Variants in CCND1 observed in about 807,000 individuals in gnomAD.
CCND1 encodes the protein G1/S-specific cyclin-D1.
CCND1 carries 9 observed loss-of-function variants against 26.1 expected under a neutral mutation model. The observed-to-expected ratio is 0.35, with a 90% CI of 0.21 to 0.60. The LOEUF is 0.60. CCND1 is among the 20% of genes least tolerant of loss of function. CCND1 has a pLI of 0.79. For missense variants in CCND1, 335 were observed against 392.9 expected, an observed-to-expected ratio of 0.85 and a Z score of 1.25; for synonymous variants, 194 against 166.1, an observed-to-expected ratio of 1.17 and a Z score of -1.29.
intron 3 of CCND1, among the ~76,000 whole-genome samples, chr11:69,645,438 C>G (rs1270454139): frequency 6.6e-6 from 1 of 152,192 alleles, no homozygotes; most frequent in East Asian, 1.9e-4. Context: ...CTTCCCACTA[C>G]TGCACACCCT....
chr11:69,651,106 T>C lies in CCND1; in HGVS notation c.724-12T>C, dbSNP rs367882484. 3.8e-6 allele frequency: 6 copies of C among 1,598,426 alleles called. No homozygotes were observed. The highest frequency in any genetic ancestry group is 3.4e-5 in the South Asian group (3 of 89,500). On this transcript the variant is annotated splice_polypyrimidine_tract_variant and intron_variant, in intron 4 of 4. Transcript: ENST00000227507. ...CCCCTCTTCCCACCTCTCCCCACCC[T>C]CTCTCTCTCAGGACTGCCTCCGGGC... is the stretch of plus-strand genomic sequence containing the variant.
chr11:69,644,353 C>T (rs1235729141), intron 3 of CCND1, among the ~76,000 whole-genome samples: 1 of 152,212 alleles, frequency 6.6e-6, no homozygotes, highest in East Asian at 1.9e-4. Flanking sequence ...CACCCACCTC[C>T]AGCCCTTCTT....
At position 69,643,234 on chromosome 11, in the gene CCND1, C is replaced by G. The variant is rs775568711; in HGVS notation, c.402C>G (p.Pro134=). The change falls in exon 2 of 5, where the codon CCC becomes CCG. Residue 134 remains proline, a synonymous_variant. Coordinates refer to ENST00000227507, the MANE Select transcript of CCND1 (RefSeq NM_053056.3). ...LCIYTDNSIR[P]EELLQMELLL... is the part of the protein sequence containing the mutation. The stretch of plus-strand genomic sequence containing the variant: ...TCTACACCGACAACTCCATCCGGCC[C>G]GAGGAGCTGCTGGTAACCACTGGAC... 1 of 1,582,292 alleles carries G rather than the reference C, an allele frequency of 6.3e-7. No homozygotes were observed. Among genetic ancestry groups the G allele is most frequent in the Non-Finnish European group, 8.6e-7 (1 of 1,165,342 alleles).
rs1291489032 is a variant in CCND1, at chr11:69,652,095, C to G, written c.*813C>G. Reference sequence around the variant, plus strand: ...GTCGGGAAAGGCCACCTGTCCCACTCCTACGATACGCTACTATAAAGAGAA... The same window carrying G: ...GTCGGGAAAGGCCACCTGTCCCACTGCTACGATACGCTACTATAAAGAGAA... On this transcript the variant is annotated 3_prime_UTR_variant, in exon 5 of 5. Coordinates refer to ENST00000227507, the MANE Select transcript of CCND1 (RefSeq NM_053056.3). 4.3e-6 allele frequency: 1 copy of G among 233,338 alleles called. No individual in the cohort carries two copies. The highest frequency in any genetic ancestry group is 2.2e-5 in the African/African-American group (1 of 45,312). 14.5% of individuals were successfully genotyped at this position (233,338 alleles called of 1,614,324 possible).
At chr11:69,642,460 G>A (rs1855719590) in intron 1 of CCND1, among the ~76,000 whole-genome samples, 1 of 152,216 alleles carries the variant, frequency 6.6e-6, no homozygotes, top group African/African-American at 2.4e-5. Context: ...TGAATTCCTG[G>A]GGCTCCCCCC....
In CCND1 at chr11:69,651,687, T is replaced by C. The variant is rs927900196; in HGVS notation, c.*405T>C. The C allele has an allele frequency of 8.3e-6, 2 of 240,256 alleles. No homozygotes were observed. The highest frequency in any genetic ancestry group is 5.6e-5 in the Admixed American group (1 of 17,960). 14.9% of individuals were successfully genotyped at this position (240,256 alleles called of 1,614,324 possible). A position where few individuals can be genotyped will look rare whatever the true frequency, so the allele number is the denominator to read the frequency against. On this transcript the variant is annotated 3_prime_UTR_variant, in exon 5 of 5. Coordinates refer to ENST00000227507, the MANE Select transcript of CCND1 (RefSeq NM_053056.3). ...CGGGAGAGGATTAGGTTCCATCCTT[T>C]ACGTGTTTAAAAAAAAGCATAAAAA...
Position 69,641,982 on chromosome 11 carries a change from T to C in CCND1, c.198+471T>C, listed in dbSNP as rs3212863. ...GTATTATGCGCCATCTTTGCTCTTT[T>C]ATTGCAAAGCAAAAGTGTTTATTAA... On this transcript the variant is annotated intron_variant, in intron 1 of 4. Coordinates refer to ENST00000227507, the MANE Select transcript of CCND1 (RefSeq NM_053056.3). Among the ~76,000 whole-genome samples the C allele has an allele frequency of 6.4e-3, 965 of 151,868 alleles. 10 individuals are homozygous for C. Among genetic ancestry groups the C allele is most frequent in the African/African-American group, 0.022 (922 of 41,436 alleles).
Position 69,641,470 on chromosome 11 carries a change from C to T in CCND1, c.157C>T (p.Leu53=). The change falls in exon 1 of 5, where the codon CTG becomes TTG. Residue 53 remains leucine, a synonymous_variant. Coordinates refer to ENST00000227507, the MANE Select transcript of CCND1 (RefSeq NM_053056.3). ...SYFKCVQKEV[L]PSMRKIVATW... ...CTTCAAATGTGTGCAGAAGGAGGTC[C>T]TGCCGTCCATGCGGAAGATCGTCGC... 2 of 1,613,382 alleles carry T rather than the reference C, an allele frequency of 1.2e-6. No homozygotes were observed. The highest frequency in any genetic ancestry group is 2.2e-5 in the South Asian group (2 of 91,082).
At chr11:69,647,151 G>C (rs774280613) in intron 3 of CCND1, among the ~76,000 whole-genome samples, 1 of 152,242 alleles carries the variant, frequency 6.6e-6, no homozygotes, top group Admixed American at 6.5e-5. Flanking sequence ...TCCCTTACTT[G>C]GGAAGTCACT....
rs950122569 is a variant in CCND1, at chr11:69,646,554, C to A, written c.575-1440C>A. Among the ~76,000 whole-genome samples, 7 of 152,298 alleles carry A rather than the reference C, an allele frequency of 4.6e-5. No individual in the cohort carries two copies. In the East Asian group the frequency reaches 1.2e-3, roughly 25 times the overall value. On this transcript the variant is annotated intron_variant, in intron 3 of 4. Coordinates refer to ENST00000227507, the MANE Select transcript of CCND1 (RefSeq NM_053056.3). ...CCCCTTGTTCCCGGGCGCTCAGTGG[C>A]GCGAGATGAGGCGATGGGGCCGACA...
chr11:69,654,380 C>G lies in CCND1; in HGVS notation c.*3098C>G, dbSNP rs776449946. 3 of 701,522 alleles carry G rather than the reference C, an allele frequency of 4.3e-6. No individual in the cohort carries two copies. The highest frequency in any genetic ancestry group is 3.0e-5 in the South Asian group (2 of 67,534). 43.5% of individuals were successfully genotyped at this position (701,522 alleles called of 1,614,324 possible). A position where few individuals can be genotyped will look rare whatever the true frequency, so the allele number is the denominator to read the frequency against. On this transcript the variant is annotated 3_prime_UTR_variant, in exon 5 of 5. Transcript: ENST00000227507. The surrounding 1 kb of genome is among the most constrained non-coding windows in gnomAD (Gnocchi z 6.3). ...GGTCTGTGCATTTCTGGTTGCACCG[C>G]GGCGCTTCCCAGCACCAACATGTAA...
chr11:69,650,837 G>A (rs1248626863), intron 4 of CCND1, among the ~76,000 whole-genome samples: 3 of 152,132 alleles, frequency 2.0e-5, no homozygotes, highest in Non-Finnish European at 2.9e-5. Flanking sequence ...ACATGGGGAC[G>A]GGCAGGGGGT....
rs2120080674 is a variant in CCND1, at chr11:69,641,406, G to A, written c.93G>A (p.Met31Ile). ...TCAACGACCGGGTGCTGCGGGCCAT[G>A]CTGAAGGCGGAGGAGACCTGCGCGC... is the stretch of plus-strand genomic sequence containing the variant. ...NLLNDRVLRA[M>I]LKAEETCAPS... Residue 31 changes from methionine (M) to isoleucine (I), a missense_variant, in exon 1 of 5, where the codon ATG becomes ATA. By Grantham distance (10) the Met-to-Ile change is conservative (BLOSUM62 1). Transcript: ENST00000227507. 1 of 1,613,490 alleles carries A rather than the reference G, an allele frequency of 6.2e-7. No individual in the cohort carries two copies. Among genetic ancestry groups the A allele is most frequent in the Non-Finnish European group, 8.5e-7 (1 of 1,180,030 alleles).
rs1590915524 is a variant in CCND1 at position 69,648,335 on chromosome 11, T to G, written c.723+193T>G. 4.9e-6 allele frequency: 3 copies of G among 607,148 alleles called. 1 individual carries two copies. In the South Asian group the frequency reaches 6.4e-5, roughly 13 times the overall value. 37.6% of individuals were successfully genotyped at this position (607,148 alleles called of 1,614,324 possible). ...TCCACTGCTCCTAGAACTTACTGAC[T>G]GGCTGGGAGGTCCTCACAGCCTTCT... On this transcript the variant is annotated intron_variant, in intron 4 of 4. Coordinates refer to ENST00000227507, the MANE Select transcript of CCND1 (RefSeq NM_053056.3).
At chr11:69,650,368 C>T (rs1264447456) in intron 4 of CCND1, among the ~76,000 whole-genome samples, 1 of 152,260 alleles carries the variant, frequency 6.6e-6, no homozygotes, top group Non-Finnish European at 1.5e-5. Flanking sequence ...CGTGGCGTTC[C>T]AGATTTCACG....
In CCND1 at chr11:69,653,994, G is replaced by T; in HGVS notation, c.*2712G>T. The T allele has an allele frequency of 1.7e-6, 1 of 596,686 alleles. No homozygotes were observed. Among genetic ancestry groups the T allele is most frequent in the Admixed American group, 3.0e-5 (1 of 33,530 alleles). The allele number at this position is 596,686 out of a possible 1,614,324, so 37.0% of individuals were successfully genotyped here. A position where few individuals can be genotyped will look rare whatever the true frequency, so the allele number is the denominator to read the frequency against. ...CTCAATGAAGCCAGCTCACAGTGCT[G>T]TGTGCCCCGGTCACCTAGCAAGCTG... is the stretch of plus-strand genomic sequence containing the variant. On this transcript the variant is annotated 3_prime_UTR_variant, in exon 5 of 5. Transcript: ENST00000227507.
intron 3 of CCND1, 35 bp downstream of exon 3, chr11:69,644,026 G>C (rs2120095744): frequency 6.2e-7 from 1 of 1,610,516 alleles, no homozygotes; most frequent in East Asian, 2.2e-5. Context: ...GCCTCCCCTT[G>C]AGAGCCGGCT....
chr11:69,648,181 T>C (rs2120110671), intron 4 of CCND1, 39 bp downstream of exon 4: 1 of 1,610,190 alleles, frequency 6.2e-7, no homozygotes, highest in Non-Finnish European at 8.5e-7. Context: ...TTGCCGGGGC[T>C]TACAGGGGGA....
At position 69,653,095 on chromosome 11, in the gene CCND1, T is replaced by C; in HGVS notation, c.*1813T>C. The C allele has an allele frequency of 1.9e-6, 1 of 535,600 alleles. No individual in the cohort carries two copies. Among genetic ancestry groups the C allele is most frequent in the Non-Finnish European group, 3.3e-6 (1 of 304,524 alleles). 33.2% of individuals were successfully genotyped at this position (535,600 alleles called of 1,614,324 possible). ...TTGGCTATGTAATTCTTGTAATTTT[T>C]ATTTAGGAAGTGTTGAAGGGAGGTG... On this transcript the variant is annotated 3_prime_UTR_variant, in exon 5 of 5. Transcript: ENST00000227507.
Sources: allele counts gnomAD v4.1 joint callset (sites outside exome capture counted in the v4.1 genomes callset), GRCh38; gene constraint gnomAD v4.1.1; non-coding constraint Gnocchi (gnomAD v3.1); transcripts MANE v1.5; gene names NCBI Gene and HGNC (gene_info 2026-07-23, HGNC 2026-07-21).